Variants in HERPUD1 observed in about 807,000 individuals in gnomAD.
The protein encoded by HERPUD1 is homocysteine-responsive endoplasmic reticulum-resident ubiquitin-like domain member 1 protein.
HERPUD1 carries 17 observed loss-of-function variants against 45.0 expected under a neutral mutation model. The observed-to-expected ratio is 0.38, with a 90% CI of 0.26 to 0.57. HERPUD1 has a LOEUF of 0.57. Among genes scored for constraint, HERPUD1 ranks in the 20% least tolerant of loss-of-function variants. HERPUD1 has a pLI of 0.72. For synonymous variants in HERPUD1, 164 were observed against 177.5 expected (o/e 0.92, Z 0.61); for missense variants, 420 against 490.5 (o/e 0.86, Z 1.36).
chr16:56,936,793 C>T lies in HERPUD1; in HGVS notation c.407C>T (p.Ser136Phe). The change falls in exon 4 of 8, where the codon TCC becomes TTC. Residue 136 changes from serine (S) to phenylalanine (F), a missense_variant. By Grantham distance (155) the Ser-to-Phe change is radical. Transcript: ENST00000439977. ...RQREVLRNLS[S>F]PGWENISRPE... ...AGGGAAGTTCTTCGGAACCTTTCTT[C>T]CCCTGGATGGGAAAACATCTCAAGG... 1 of 1,613,988 alleles carries T rather than the reference C, an allele frequency of 6.2e-7. No individual in the cohort carries two copies.
chr16:56,932,485 C>T (rs2055833977), intron 1 of HERPUD1, 94 bp downstream of exon 1: 2 of 1,170,700 alleles, frequency 1.7e-6, no homozygotes, highest in Non-Finnish European at 2.3e-6. Flanking sequence ...TGGCCTCCTC[C>T]CGCTGACGGC....
rs776076632 is a variant in HERPUD1 at position 56,942,216 on chromosome 16, G to T, written c.990G>T (p.Gln330His). The T allele has an allele frequency of 3.1e-6, 5 of 1,613,898 alleles. No individual in the cohort carries two copies. The East Asian group carries it at 1.1e-4, about 36-fold the overall frequency. Residue 330 changes from glutamine (Q) to histidine (H), a missense_variant, in exon 7 of 8, where the codon CAG (glutamine) becomes CAT (histidine). Physicochemically the swap from Gln to His is conservative, Grantham distance 24 (BLOSUM62 0). Coordinates refer to ENST00000439977, the MANE Select transcript of HERPUD1 (RefSeq NM_014685.4). ...NDGPPPDVVN[Q>H]DPNNNLQEGT... is the part of the protein sequence containing the mutation. Reference sequence around the variant, plus strand: ...GTCCTCCTCCTGACGTTGTAAATCAGGACCCCAACAATAACTTACAGGTAT... The same window carrying T: ...GTCCTCCTCCTGACGTTGTAAATCATGACCCCAACAATAACTTACAGGTAT...
At chr16:56,941,392 A>T (rs2055908260) in intron 6 of HERPUD1, 1 of 152,188 alleles carries the variant, frequency 6.6e-6, no homozygotes, top group African/African-American at 2.4e-5. Context: ...ATCTAGGGGA[A>T]GTGGTCCTGC....
In HERPUD1 at chr16:56,943,170, A is replaced by C. The variant is rs1331999806; in HGVS notation, c.1056A>C (p.Pro352=). 1.2e-6 allele frequency: 2 copies of C among 1,614,156 alleles called. No homozygotes were observed. ...CTGAAGACCCCAACCACCTCCCTCC[A>C]GACAGGGATGTACTAGATGGCGAGC... ...PETEDPNHLP[P]DRDVLDGEQT... is the part of the protein sequence containing the mutation. Residue 352 remains proline (P), a synonymous_variant, in exon 8 of 8, where the codon CCA becomes CCC. Coordinates refer to ENST00000439977, the MANE Select transcript of HERPUD1 (RefSeq NM_014685.4).
chr16:56,932,219 G>T lies in HERPUD1; in HGVS notation c.-26G>T. The T allele has an allele frequency of 6.2e-7, 1 of 1,601,720 alleles. No homozygotes were observed. Among genetic ancestry groups the T allele is most frequent in the South Asian group, 1.1e-5 (1 of 90,512 alleles). Reference sequence around the variant, plus strand: ...CCTGCCTGGCACCTAGGAGCGCAGCGGAGCCCCGACACCGCCGCCGCCGCC... The same window carrying T: ...CCTGCCTGGCACCTAGGAGCGCAGCTGAGCCCCGACACCGCCGCCGCCGCC... On this transcript the variant is annotated 5_prime_UTR_variant, in exon 1 of 8. Coordinates refer to ENST00000439977, the MANE Select transcript of HERPUD1 (RefSeq NM_014685.4).
At chr16:56,935,632 A>T in intron 3 of HERPUD1, 157 bp downstream of exon 3, 1 of 649,546 alleles carries the variant, frequency 1.5e-6, no homozygotes, top group Non-Finnish European at 2.7e-6. Flanking sequence ...TGTATTATCA[A>T]CACAAAGTGA....
chr16:56,941,634 A>G (rs2055910430), intron 6 of HERPUD1: 1 of 152,228 alleles, frequency 6.6e-6, no homozygotes. Flanking sequence ...AATATAATGA[A>G]CACTCAAATA....
In HERPUD1 at chr16:56,943,199, C is replaced by G; in HGVS notation, c.1085C>G (p.Thr362Ser). The change falls in exon 8 of 8, where the codon ACC (threonine) becomes AGC (serine). Residue 362 changes from threonine (T) to serine (S), a missense_variant. Physicochemically the swap from Thr to Ser is moderately conservative, Grantham distance 58 (BLOSUM62 1). Transcript: ENST00000439977. Reference sequence around the variant, plus strand: ...AGGGATGTACTAGATGGCGAGCAGACCAGCCCCTCCTTTATGAGCACAGCA... The same window carrying G: ...AGGGATGTACTAGATGGCGAGCAGAGCAGCCCCTCCTTTATGAGCACAGCA... ...PDRDVLDGEQ[T>S]SPSFMSTAWL... 1.9e-6 allele frequency: 3 copies of G among 1,614,216 alleles called. No individual in the cohort carries two copies. The highest frequency in any genetic ancestry group is 8.5e-7 in the Non-Finnish European group (1 of 1,180,034).
intron 6 of HERPUD1, 25 bp from the exon 7 acceptor site, chr16:56,942,107 G>A (rs770259050): frequency 6.3e-7 from 1 of 1,581,706 alleles, no homozygotes; most frequent in South Asian, 1.1e-5. Flanking sequence ...CAGCTAAGAT[G>A]GACTTTTATG....
In HERPUD1 at chr16:56,939,220, T is replaced by C. The variant is rs544771916; in HGVS notation, c.432-17T>C. On this transcript the variant is annotated splice_polypyrimidine_tract_variant and intron_variant, in intron 4 of 7. Coordinates refer to ENST00000439977, the MANE Select transcript of HERPUD1 (RefSeq NM_014685.4). ...TCAACCCACTCAAAATGAGTGTTTTTTCAAATCTATGTATAGGCCTGAAGC... is the reference window on the plus strand; with the variant it reads ...TCAACCCACTCAAAATGAGTGTTTTCTCAAATCTATGTATAGGCCTGAAGC... 21 of 1,611,556 alleles carry C rather than the reference T, an allele frequency of 1.3e-5. 1 individual carries two copies. The African/African-American group carries it at 2.7e-4, about 20-fold the overall frequency.
At chr16:56,935,011 C>T (rs2055855209) in intron 1 of HERPUD1, 4 of 488,614 alleles carry the variant, frequency 8.2e-6, no homozygotes, top group Non-Finnish European at 7.5e-6. Flanking sequence ...CATGCCCAGC[C>T]GATAATTTGC....
intron 3 of HERPUD1, chr16:56,936,063 T>C (rs2055863982): frequency 6.5e-6 from 1 of 153,488 alleles, no homozygotes; most frequent in African/African-American, 2.4e-5. Flanking sequence ...TCTAAAGACA[T>C]ATATGACACA....
intron 1 of HERPUD1, among the ~76,000 whole-genome samples, chr16:56,934,702 CTTTTTTTT>C (rs869088050): frequency 1.8e-4 from 11 of 59,864 alleles, no homozygotes; most frequent in Non-Finnish European, 3.1e-4. Flanking sequence ...ATTTGCCATT[CTTTTTTTT>C]TTTTTTTTTT....
At chr16:56,934,786 ACTGCAACCT>A (rs2144816278) in intron 1 of HERPUD1, among the ~76,000 whole-genome samples, 1 of 130,822 alleles carries the variant, frequency 7.6e-6, no homozygotes, top group East Asian at 2.2e-4. Flanking sequence ...ATCTTGGCTC[ACTGCAACCT>A]CTGCCTCCCT....
rs117193541 is a variant in HERPUD1 at position 56,940,261 on chromosome 16, C to A, written c.905+16C>A. 4 of 1,557,034 alleles carry A rather than the reference C, an allele frequency of 2.6e-6. No homozygotes were observed. The African/African-American group carries it at 4.1e-5, about 16-fold the overall frequency. Reference sequence around the variant, plus strand: ...TTATGTACCTGTAAGCAGATGGTTTCTCTAATATAAATTACACTACACTGT... The same window carrying A: ...TTATGTACCTGTAAGCAGATGGTTTATCTAATATAAATTACACTACACTGT... On this transcript the variant is annotated intron_variant, in intron 6 of 7. Transcript: ENST00000439977.
At position 56,932,226 on chromosome 16, in the gene HERPUD1, C is replaced by A. The variant is rs781690829; in HGVS notation, c.-19C>A. On this transcript the variant is annotated 5_prime_UTR_variant, in exon 1 of 8. Coordinates refer to ENST00000439977, the MANE Select transcript of HERPUD1 (RefSeq NM_014685.4). ...GGCACCTAGGAGCGCAGCGGAGCCC[C>A]GACACCGCCGCCGCCGCCATGGAGT... 5.0e-6 allele frequency: 8 copies of A among 1,603,204 alleles called. No individual in the cohort carries two copies. The highest frequency in any genetic ancestry group is 3.3e-5 in the Admixed American group (2 of 59,708).
At position 56,943,292 on chromosome 16, in the gene HERPUD1, GGT is replaced by G. The variant is rs138682179; in HGVS notation, c.*5_*6del. ...GGCCCCCCAGCCATCGCAAACTGAT[GGT>G]GTTTGTGCTGTAGCTGTTGGAGGCT... On this transcript the variant is annotated 3_prime_UTR_variant, in exon 8 of 8. Coordinates refer to ENST00000439977, the MANE Select transcript of HERPUD1 (RefSeq NM_014685.4). 7.4e-4 allele frequency: 1,194 copies of G among 1,614,088 alleles called. 14 individuals are homozygous for G. The East Asian group carries it at 0.011, about 14-fold the overall frequency.
Position 56,932,332 on chromosome 16 carries a change from C to T in HERPUD1, c.88C>T (p.Arg30Cys), listed in dbSNP as rs375507563. Residue 30 changes from arginine (R) to cysteine (C), a missense_variant, in exon 1 of 8, where the codon CGC becomes TGC. Arg to Cys is a radical substitution (Grantham distance 180). Transcript: ENST00000439977. ...RHRDLELSGD[R>C]GWSVGHLKAH... ...CCGCGACTTGGAGCTGAGTGGCGAC[C>T]GCGGCTGGAGTGTGGGCCACCTCAA... The T allele has an allele frequency of 1.9e-6, 3 of 1,603,960 alleles. No homozygotes were observed. The highest frequency in any genetic ancestry group is 1.1e-5 in the South Asian group (1 of 90,406).
In HERPUD1 at chr16:56,944,861, A is replaced by C; in HGVS notation, c.*1571A>C. On this transcript the variant is annotated 3_prime_UTR_variant, in exon 8 of 8. Coordinates refer to ENST00000439977, the MANE Select transcript of HERPUD1 (RefSeq NM_014685.4). ...TTGGCAAAATAAATCAGCCTTTTCT[A>C]TCATGATTGTGGTCATTTAAATTAA... The C allele has an allele frequency of 6.6e-6, 1 of 152,184 alleles. No individual in the cohort carries two copies. Among genetic ancestry groups the C allele is most frequent in the African/African-American group, 2.4e-5 (1 of 41,432 alleles). 9.4% of individuals were successfully genotyped at this position (152,184 alleles called of 1,614,324 possible). A position where few individuals can be genotyped will look rare whatever the true frequency, so the allele number is the denominator to read the frequency against.
Sources: gnomAD v4.1 joint callset for allele counts (sites outside exome capture counted in the v4.1 genomes callset) on GRCh38, gnomAD v4.1.1 for gene constraint, MANE v1.5 for transcripts, NCBI Gene and HGNC (gene_info 2026-07-23, HGNC 2026-07-21) for gene names.